The following RIF1 variants were observed in gnomAD, a reference collection of about 807,000 sequenced individuals.
The protein encoded by RIF1 is telomere-associated protein RIF1.
RIF1 carries 45 observed loss-of-function variants against 247.1 expected under a neutral mutation model. That is an observed-to-expected ratio of 0.18 (90% CI 0.14 to 0.23). RIF1 has a LOEUF of 0.23. Among genes scored for constraint, RIF1 ranks in the 10% least tolerant of loss-of-function variants. The probability of loss-of-function intolerance (pLI) is 1.00; values close to 1 mark genes in which losing one functional copy is unlikely to be tolerated. For missense variants in RIF1, 2,967 were observed against 2,862.5 expected (o/e 1.04, Z -0.83); for synonymous variants, 1,087 against 978.8 (o/e 1.11, Z -2.06).
chr2:151,463,404 A>T lies in RIF1; in HGVS notation c.3884A>T (p.Glu1295Val). The change falls in exon 30 of 36, where the codon GAA becomes GTA. Residue 1295 changes from glutamate to valine, a missense_variant. Glu to Val is a moderately radical substitution (Grantham distance 121). This residue lies in a region of RIF1 where 2,028 missense variants were observed against 1,825.6 expected (regional missense o/e 1.11). Coordinates refer to ENST00000444746, the MANE Select transcript of RIF1 (RefSeq NM_018151.5). ...TCAAGCCGGAGAGCTGGTAAAGCTG[A>T]ACAAACAGGGAATAAAAGGTCTAAG... is the stretch of plus-strand genomic sequence containing the variant. ...KRSSRRAGKA[E>V]QTGNKRSKPL... 2 of 1,613,980 alleles carry T rather than the reference A, an allele frequency of 1.2e-6. No homozygotes were observed. Among genetic ancestry groups the T allele is most frequent in the South Asian group, 2.2e-5 (2 of 91,034 alleles).
At chr2:151,505,380 G>A in intron 12 of RIF1, 1 of 1,053,514 alleles carries the variant, frequency 9.5e-7, no homozygotes. Flanking sequence ...CCCAAGGCAT[G>A]GAAGCTCTTG....
intron 9 of RIF1, chr2:151,490,395 C>G: frequency 6.3e-7 from 1 of 1,592,536 alleles, no homozygotes; most frequent in Non-Finnish European, 8.6e-7. Context: ...AAAGACACCC[C>G]CGTCGCTGTA....
At chr2:151,527,592 T>A in the RIF1 span, 2 of 1,604,228 alleles carry the variant, frequency 1.2e-6, no homozygotes. Context: ...CCAGCTGTTT[T>A]TAACAGGAGA....
intron 9 of RIF1, chr2:151,492,035 T>TA: frequency 6.6e-6 from 10 of 1,514,718 alleles, no homozygotes; most frequent in Non-Finnish European, 8.2e-6. Context: ...TAGGTAATGC[T>TA]ACTTTTGTTC....
intron 15 of RIF1, among the ~76,000 whole-genome samples, chr2:151,440,757 G>C (rs1448823578): frequency 1.3e-5 from 2 of 152,166 alleles, no homozygotes; most frequent in Non-Finnish European, 2.9e-5. Flanking sequence ...TTCATTAGCT[G>C]AGTAAATTTG....
At chr2:151,430,431 C>T (rs141914061) in intron 9 of RIF1, among the ~76,000 whole-genome samples, 2,174 of 152,034 alleles carry the variant, frequency 0.014, 26 homozygotes, top group Non-Finnish European at 0.02. Context: ...AAGCGATTCT[C>T]CTGCCTCAGC....
intron 14 of RIF1, 42 bp from the exon 15 acceptor site, chr2:151,439,972 CAAAAAAAAAAAAA>C (rs1165450117): frequency 2.9e-5 from 8 of 276,674 alleles, no homozygotes; most frequent in Non-Finnish European, 4.9e-5. Context: ...GACCCTGTCT[CAAAAAAAAAAAAA>C]AAAAAAAAAA....
intron 9 of RIF1, chr2:151,493,780 T>C (rs1559158257): frequency 6.4e-7 from 1 of 1,569,914 alleles, no homozygotes; most frequent in South Asian, 1.2e-5. Context: ...AATACCGAGC[T>C]AAAGTTTTCT....
intron 9 of RIF1, chr2:151,489,981 G>C: frequency 6.3e-7 from 1 of 1,595,704 alleles, no homozygotes; most frequent in Non-Finnish European, 8.6e-7. Context: ...TCCAGCAGTA[G>C]ATGGATGAGA....
At chr2:151,509,786 A>G (rs1300087588), downstream of RIF1, among the ~76,000 whole-genome samples, 1 of 152,026 alleles carries the variant, frequency 6.6e-6, no homozygotes, top group Non-Finnish European at 1.5e-5. Context: ...CACCACCACA[A>G]CCAGCTAATG....
At chr2:151,440,753 A>C (rs1018468113) in intron 15 of RIF1, among the ~76,000 whole-genome samples, 2 of 152,236 alleles carry the variant, frequency 1.3e-5, no homozygotes, top group African/African-American at 4.8e-5. Flanking sequence ...ACTATTCATT[A>C]GCTGAGTAAA....
chr2:151,526,197 C>A, the RIF1 span: 1 of 1,613,960 alleles, frequency 6.2e-7, no homozygotes, highest in African/African-American at 1.3e-5. Context: ...CCAGCAGGAT[C>A]TGAGGCGTGT....
chr2:151,410,103 C>T, intron 1 of RIF1, 70 bp downstream of exon 1: 1 of 694,704 alleles, frequency 1.4e-6, no homozygotes. Flanking sequence ...TCCGCCCCCT[C>T]GCGGCGAGAT....
At chr2:151,411,848 C>T (rs761968022) in intron 3 of RIF1, among the ~76,000 whole-genome samples, 1 of 152,236 alleles carries the variant, frequency 6.6e-6, no homozygotes, top group Non-Finnish European at 1.5e-5. Context: ...TATCACTTAA[C>T]TCTCCATGGT....
chr2:151,435,644 T>C, intron 11 of RIF1, 64 bp downstream of exon 11: 1 of 826,506 alleles, frequency 1.2e-6, no homozygotes, highest in Non-Finnish European at 2.0e-6. Context: ...AGAAGCATAG[T>C]TTTGAAGTAG....
chr2:151,508,156 A>C, downstream of RIF1: 1 of 1,328,564 alleles, frequency 7.5e-7, no homozygotes, highest in Non-Finnish European at 1.1e-6. Context: ...CCACAGGGAT[A>C]TAGGCCAATG....
rs2049181753 is a variant in RIF1, at chr2:151,481,852, A to T, written c.*6781A>T. On this transcript the variant is annotated 3_prime_UTR_variant, in exon 36 of 36. Transcript: ENST00000444746. ...CATTATGAGAATCTAATACCCGATGATCTGAGGTGGAACAGTCTCATCCTG... is the reference window on the plus strand; with the variant it reads ...CATTATGAGAATCTAATACCCGATGTTCTGAGGTGGAACAGTCTCATCCTG... 6.6e-6 allele frequency: 1 copy of T among 152,200 alleles called. No individual in the cohort carries two copies. The highest frequency in any genetic ancestry group is 2.4e-5 in the African/African-American group (1 of 41,442). 9.4% of individuals were successfully genotyped at this position (152,200 alleles called of 1,614,324 possible).
intron 10 of RIF1, 94 bp from the exon 11 acceptor site, chr2:151,435,369 A>G: frequency 2.6e-6 from 2 of 766,030 alleles, no homozygotes; most frequent in Non-Finnish European, 4.5e-6. Context: ...GGAATATATT[A>G]AGGCTCCATT....
At chr2:151,469,108 G>A (rs1206103525) in intron 33 of RIF1, among the ~76,000 whole-genome samples, 2 of 152,052 alleles carry the variant, frequency 1.3e-5, no homozygotes, top group Non-Finnish European at 2.9e-5. Context: ...GTCATCACAT[G>A]TAAGAAGCAT....
Sources: gnomAD v4.1 joint callset for allele counts (sites outside exome capture counted in the v4.1 genomes callset) on GRCh38, gnomAD v4.1.1 for gene constraint, gnomAD v4.1.1 regional missense constraint, MANE v1.5 for transcripts, NCBI Gene and HGNC (gene_info 2026-07-23, HGNC 2026-07-21) for gene names.